Variants in EYS observed in about 807,000 individuals in gnomAD.
EYS encodes protein eyes shut homolog.
Under a neutral mutation model 282.1 loss-of-function variants are expected in EYS, and 250 were observed. That is an observed-to-expected ratio of 0.89 (90% CI 0.80 to 0.98). EYS has a LOEUF of 0.98. Among genes scored for constraint, EYS ranks in the 50% least tolerant of loss-of-function variants. The pLI, the probability that EYS is intolerant of heterozygous loss-of-function variation, is 0.00. For missense variants in EYS, 4,016 were observed against 3,709.0 expected (o/e 1.08, Z -2.15); for synonymous variants, 1,355 against 1,282.9 (o/e 1.06, Z -1.20).
intron 2 of EYS, among the ~76,000 whole-genome samples, chr6:65,633,821 C>A (rs1186613560): frequency 6.6e-6 from 1 of 152,170 alleles, no homozygotes; most frequent in Non-Finnish European, 1.5e-5. Context: ...TAAAACACAA[C>A]CACAGTCATT....
chr6:64,593,299 A>T lies in EYS; in HGVS notation c.3695T>A (p.Ile1232Asn). ...LCTPGFMTCS[I>N]GLLCGDEIRR... Reference sequence around the variant, plus strand: ...TATTTCATCACCACAAAGAAGCCCAATGGAGCAGGTCTGCAAATGACAATT... The same window carrying T: ...TATTTCATCACCACAAAGAAGCCCATTGGAGCAGGTCTGCAAATGACAATT... The change falls in exon 25 of 43, where the codon ATT becomes AAT. Residue 1232 changes from isoleucine (I) to asparagine (N), a missense_variant. Coordinates refer to ENST00000503581, the MANE Select transcript of EYS (RefSeq NM_001142800.2). 1 of 1,549,614 alleles carries T rather than the reference A, an allele frequency of 6.5e-7. No homozygotes were observed.
chr6:64,503,040 A>C (rs952646412), intron 26 of EYS, among the ~76,000 whole-genome samples: 1 of 152,192 alleles, frequency 6.6e-6, no homozygotes, highest in South Asian at 2.1e-4. Context: ...CCTTTACAGC[A>C]GTGATGTTAT....
At chr6:65,518,436 T>A (rs1341785660) in intron 2 of EYS, among the ~76,000 whole-genome samples, 1 of 152,140 alleles carries the variant, frequency 6.6e-6, no homozygotes, top group Non-Finnish European at 1.5e-5. Context: ...TGTTCAATAA[T>A]ATATTAAAGC....
intron 12 of EYS, among the ~76,000 whole-genome samples, chr6:65,071,080 T>C (rs1489928394): frequency 6.6e-6 from 1 of 151,872 alleles, no homozygotes; most frequent in Admixed American, 6.6e-5. Context: ...TTGCTGGACA[T>C]GTTGTTTTAG....
At chr6:64,764,270 A>T (rs1289243542) in intron 22 of EYS, among the ~76,000 whole-genome samples, 9 of 152,172 alleles carry the variant, frequency 5.9e-5, no homozygotes, top group Admixed American at 5.9e-4. Context: ...ATTTCCAAAC[A>T]TCTTCTGAAA....
At chr6:64,073,956 G>GAT (rs1217766091) in intron 32 of EYS, among the ~76,000 whole-genome samples, 1 of 151,770 alleles carries the variant, frequency 6.6e-6, no homozygotes, top group African/African-American at 2.4e-5. Flanking sequence ...AAAGATGCTT[G>GAT]ATGATCCATT....
intron 12 of EYS, among the ~76,000 whole-genome samples, chr6:65,126,252 T>C (rs1280907837): frequency 6.6e-6 from 1 of 152,172 alleles, no homozygotes; most frequent in African/African-American, 2.4e-5. Context: ...CTTAAATCTT[T>C]GTATCTTCAA....
chr6:65,460,002 ATATAT>A (rs1764768054), intron 5 of EYS, among the ~76,000 whole-genome samples: 1 of 116,204 alleles, frequency 8.6e-6, no homozygotes, highest in Non-Finnish European at 1.8e-5. Context: ...ATATATATAT[ATATAT>A]AATTTTATTG....
At chr6:65,323,300 C>T (rs1366170358) in intron 11 of EYS, among the ~76,000 whole-genome samples, 15 of 141,682 alleles carry the variant, frequency 1.1e-4, no homozygotes, top group East Asian at 2.1e-4. Context: ...TACTTTTTGA[C>T]GCACTAAGAT....
At chr6:64,981,091 G>A (rs1277061527) in intron 14 of EYS, among the ~76,000 whole-genome samples, 2 of 151,264 alleles carry the variant, frequency 1.3e-5, no homozygotes, top group Admixed American at 1.3e-4. Flanking sequence ...TAAAGCCTCG[G>A]TGGATGAGCA....
At chr6:64,296,567 TA>T (rs1769008665) in intron 30 of EYS, among the ~76,000 whole-genome samples, 5 of 6,778 alleles carry the variant, frequency 7.4e-4, no homozygotes, top group African/African-American at 3.6e-3. Flanking sequence ...TATATATATA[TA>T]TATATATATA....
chr6:64,998,834 G>A (rs889477608), intron 13 of EYS, among the ~76,000 whole-genome samples: 6 of 152,144 alleles, frequency 3.9e-5, no homozygotes, highest in Non-Finnish European at 8.8e-5. Context: ...TTAAGACATT[G>A]TGGAGTGTCA....
At chr6:64,202,213 T>C (rs974313605) in intron 31 of EYS, among the ~76,000 whole-genome samples, 1 of 152,192 alleles carries the variant, frequency 6.6e-6, no homozygotes, top group African/African-American at 2.4e-5. Context: ...TTGGTTTCTT[T>C]CATACCATGA....
At chr6:65,083,405 A>G (rs1774278955) in intron 12 of EYS, among the ~76,000 whole-genome samples, 1 of 152,056 alleles carries the variant, frequency 6.6e-6, no homozygotes, top group Non-Finnish European at 1.5e-5. Context: ...ATCTATAGGT[A>G]GCATCCAACA....
intron 2 of EYS, among the ~76,000 whole-genome samples, chr6:65,588,159 T>C (rs954421019): frequency 5.9e-5 from 9 of 152,118 alleles, no homozygotes; most frequent in African/African-American, 2.2e-4. Context: ...AATTTCCTGC[T>C]GTGTATCACA....
intron 28 of EYS, among the ~76,000 whole-genome samples, chr6:64,421,631 T>G (rs1240434310): frequency 2.0e-5 from 3 of 152,184 alleles, no homozygotes; most frequent in Non-Finnish European, 4.4e-5. Flanking sequence ...ATCCACTTCC[T>G]AAATGCTAAA....
At chr6:64,768,206 A>C (rs1773413497) in intron 22 of EYS, among the ~76,000 whole-genome samples, 1 of 152,178 alleles carries the variant, frequency 6.6e-6, no homozygotes, top group Admixed American at 6.6e-5. Flanking sequence ...ATCATAAGAG[A>C]TATTTAAAAG....
intron 33 of EYS, among the ~76,000 whole-genome samples, chr6:64,004,883 A>C: frequency 6.6e-6 from 1 of 152,150 alleles, no homozygotes; most frequent in East Asian, 1.9e-4. Flanking sequence ...ATTTAGGTTG[A>C]TTCCATGCCT....
At chr6:65,130,925 T>G (rs1290427250) in intron 12 of EYS, among the ~76,000 whole-genome samples, 1 of 151,534 alleles carries the variant, frequency 6.6e-6, no homozygotes, top group Admixed American at 6.6e-5. Flanking sequence ...AAAATGCAAT[T>G]AACTAACTCA....
Sources: allele counts gnomAD v4.1 joint callset (sites outside exome capture counted in the v4.1 genomes callset), GRCh38; gene constraint gnomAD v4.1.1; transcripts MANE v1.5; gene names NCBI Gene and HGNC (gene_info 2026-07-23, HGNC 2026-07-21).